COL18A1: variants seen among roughly 807,000 people sequenced by gnomAD.
The protein encoded by COL18A1 is collagen alpha-1(XVIII) chain.
COL18A1 carries 133 observed loss-of-function variants against 168.0 expected under a neutral mutation model. The observed-to-expected ratio is 0.79, with a 90% confidence interval of 0.69 to 0.91. The LOEUF is 0.91. Ranked by LOEUF, COL18A1 falls within the 40% of genes least tolerant of loss-of-function variation. The pLI, the probability that COL18A1 is intolerant of heterozygous loss-of-function variation, is 0.00. For synonymous variants in COL18A1, 949 were observed against 809.0 expected, an observed-to-expected ratio of 1.17 and a Z score of -2.94; for missense variants, 2,126 against 1,925.4, an observed-to-expected ratio of 1.10 and a Z score of -1.95.
chr21:45,480,741 C>G lies in COL18A1; in HGVS notation c.1494C>G (p.Val498=). The G allele has an allele frequency of 6.2e-7, 1 of 1,610,792 alleles. No homozygotes were observed. The highest frequency in any genetic ancestry group is 8.5e-7 in the Non-Finnish European group (1 of 1,179,912). Residue 498 remains valine (V), a synonymous_variant, in exon 13 of 42, where the codon GTC becomes GTG. Coordinates refer to ENST00000651438, the MANE Select transcript of COL18A1 (RefSeq NM_001379500.1). The part of the protein sequence containing the change: ...GFPGPPGPPG[V]PGLPGEPGRF... ...CTGGACCTCCCGGACCCCCCGGTGT[C>G]CCAGGCCTGCCCGGCGAGCCAGGCC...
chr21:45,442,051 G>A (rs1230609825), intron 2 of COL18A1, among the ~76,000 whole-genome samples: 4 of 152,278 alleles, frequency 2.6e-5, no homozygotes, highest in East Asian at 1.9e-4. Context: ...AGGTCACCTC[G>A]CCCTCATCCA....
intron 24 of COL18A1, 30 bp from the exon 25 acceptor site, chr21:45,493,133 T>G: frequency 6.5e-7 from 1 of 1,549,038 alleles, no homozygotes; most frequent in Non-Finnish European, 8.7e-7. Flanking sequence ...TGCCAGCCGC[T>G]CGGGCCTCAC....
intron 4 of COL18A1, 105 bp from the exon 5 acceptor site, chr21:45,475,371 G>A (rs981689604): frequency 2.8e-5 from 29 of 1,035,190 alleles, no homozygotes; most frequent in Admixed American, 1.8e-4. Context: ...GGCGAGAGGG[G>A]GCCTGGAGGA....
rs2033028482 is a variant in COL18A1 at position 45,405,189 on chromosome 21, G to A, written c.-42G>A. ...CGGTCCGAGCGGGTGCACCGCGGCG[G>A]AGGAGGCAGCATCCCGCGGCGCTGA... On this transcript the variant is annotated 5_prime_UTR_variant, in exon 1 of 42. Coordinates refer to ENST00000651438, the MANE Select transcript of COL18A1 (RefSeq NM_001379500.1). The A allele has an allele frequency of 5.8e-6, 2 of 344,040 alleles. No individual in the cohort carries two copies. The highest frequency in any genetic ancestry group is 1.0e-5 in the Non-Finnish European group (2 of 194,424). The allele number at this position is 344,040 out of a possible 1,614,324, so 21.3% of individuals were successfully genotyped here. A position where few individuals can be genotyped will look rare whatever the true frequency, so the allele number is the denominator to read the frequency against.
At chr21:45,500,389 AGTGT>A (rs138993921) in intron 32 of COL18A1, among the ~76,000 whole-genome samples, 1,871 of 46,412 alleles carry the variant, frequency 0.04, 135 homozygotes, top group African/African-American at 0.14. Context: ...GGGTGTGTGG[AGTGT>A]GTGTATGTGG....
chr21:45,493,441 G>T, intron 25 of COL18A1, 60 bp from the exon 26 acceptor site: 1 of 1,470,848 alleles, frequency 6.8e-7, no homozygotes, highest in Non-Finnish European at 9.3e-7. Flanking sequence ...TCGGGGCTCT[G>T]GGTGAGGCTT....
At position 45,498,076 on chromosome 21, in the gene COL18A1, G is replaced by A. The variant is rs537521661; in HGVS notation, c.2683+415G>A. On this transcript the variant is annotated intron_variant, in intron 32 of 41. Transcript: ENST00000651438. The surrounding 1 kb of genome is among the most constrained non-coding windows in gnomAD (Gnocchi z 4.5). ...GGAAGGAGGCGTTGCCCGACAGGCCGTCTGGAGGGTGAGCCCAGCACCCCT... is the reference window on the plus strand; with the variant it reads ...GGAAGGAGGCGTTGCCCGACAGGCCATCTGGAGGGTGAGCCCAGCACCCCT... The A allele has an allele frequency of 9.4e-5, 57 of 608,634 alleles. No individual in the cohort carries two copies. Among genetic ancestry groups the A allele is most frequent in the South Asian group, 4.7e-4 (24 of 50,914 alleles). The allele number at this position is 608,634 out of a possible 1,614,324, so 37.7% of individuals were successfully genotyped here. A position where few individuals can be genotyped will look rare whatever the true frequency, so the allele number is the denominator to read the frequency against.
intron 9 of COL18A1, 90 bp downstream of exon 9, chr21:45,478,443 G>A (rs573300010): frequency 9.5e-5 from 148 of 1,562,194 alleles, no homozygotes; most frequent in Admixed American, 3.7e-4. Context: ...CTTTTTAAAC[G>A]CGACCCAGTG....
intron 32 of COL18A1, among the ~76,000 whole-genome samples, chr21:45,500,857 A>G (rs1225264218): frequency 8.1e-5 from 2 of 24,778 alleles, no homozygotes; most frequent in Non-Finnish European, 8.2e-5. Flanking sequence ...TTGGGTGTGT[A>G]GTGTGGGGGT....
intron 32 of COL18A1, among the ~76,000 whole-genome samples, chr21:45,501,627 A>G (rs1780348370): frequency 6.6e-6 from 1 of 151,926 alleles, no homozygotes; most frequent in Non-Finnish European, 1.5e-5. Flanking sequence ...GCCCTGCACA[A>G]TCCCCGGTCT....
chr21:45,448,680 G>A (rs138370492), intron 2 of COL18A1, among the ~76,000 whole-genome samples: 46 of 152,350 alleles, frequency 3.0e-4, no homozygotes, highest in African/African-American at 9.1e-4. Flanking sequence ...TCATTGTCAC[G>A]CCTGAGAAGT....
At chr21:45,417,962 C>T (rs1353641565) in intron 2 of COL18A1, among the ~76,000 whole-genome samples, 6 of 152,250 alleles carry the variant, frequency 3.9e-5, no homozygotes, top group Non-Finnish European at 8.8e-5. Flanking sequence ...TCTCCCCAGA[C>T]ACGTCTTTCC....
In COL18A1 at chr21:45,473,065, CT is replaced by C. The variant is rs2035504876; in HGVS notation, c.652-829del. ...ACCCGCAGTGCGGCCAGTGGAGCCCCTGGTACTGTGCGCAGCCCCCACCTGG... is the reference window on the plus strand; with the variant it reads ...ACCCGCAGTGCGGCCAGTGGAGCCCCGGTACTGTGCGCAGCCCCCACCTGG... On this transcript the variant is annotated intron_variant, in intron 3 of 41. Transcript: ENST00000651438. The surrounding 1 kb of genome is among the most constrained non-coding windows in gnomAD (Gnocchi z 4.0). 6.6e-6 allele frequency among the ~76,000 whole-genome samples: 1 copy of C among 152,236 alleles called. No homozygotes were observed. The highest frequency in any genetic ancestry group is 6.5e-5 in the Admixed American group (1 of 15,292).
intron 2 of COL18A1, among the ~76,000 whole-genome samples, chr21:45,429,646 A>G (rs2838929): frequency 0.28 from 42,140 of 152,124 alleles, 8,593 homozygotes; most frequent in African/African-American, 0.58. Flanking sequence ...AGCAGGCGGC[A>G]GGATCCCAGG....
At chr21:45,405,289 T>TGCGGGGCTGCGGGGGTC in intron 1 of COL18A1, 48 bp downstream of exon 1, 1 of 714,058 alleles carries the variant, frequency 1.4e-6, no homozygotes, top group African/African-American at 2.1e-5. Flanking sequence ...AAGATGCGGC[T>TGCGGGGCTGCGGGGGTC]GCGGGGGTCG....
chr21:45,486,574 C>A (rs9979895), intron 15 of COL18A1, among the ~76,000 whole-genome samples: 18 of 144,352 alleles, frequency 1.2e-4, no homozygotes, highest in Non-Finnish European at 2.3e-4. Flanking sequence ...CGAGGGTGCC[C>A]TGTGCACCTC....
At chr21:45,419,636 G>A (rs2033558970) in intron 2 of COL18A1, 1 of 152,202 alleles carries the variant, frequency 6.6e-6, no homozygotes, top group South Asian at 2.1e-4. Context: ...TGGCGCTGAA[G>A]GACCCTCCTC....
At chr21:45,475,142 G>A (rs2035601671) in intron 4 of COL18A1, among the ~76,000 whole-genome samples, 1 of 152,228 alleles carries the variant, frequency 6.6e-6, no homozygotes, top group Non-Finnish European at 1.5e-5. Flanking sequence ...GAGCATCTGC[G>A]GTGCGGCCTC....
intron 2 of COL18A1, among the ~76,000 whole-genome samples, chr21:45,435,301 T>TGGGGGG (rs2034070013): frequency 1.0e-4 from 2 of 19,470 alleles, no homozygotes; most frequent in African/African-American, 5.0e-4. Context: ...AGGAGGAAGG[T>TGGGGGG]GGGGTGGGGG....
Sources: gnomAD v4.1 joint callset for allele counts (sites outside exome capture counted in the v4.1 genomes callset) on GRCh38, gnomAD v4.1.1 for gene constraint, Gnocchi (gnomAD v3.1) non-coding constraint, MANE v1.5 for transcripts, NCBI Gene and HGNC (gene_info 2026-07-23, HGNC 2026-07-21) for gene names.